The following RBKS variants were observed in gnomAD, a reference collection of about 807,000 sequenced individuals.
RBKS encodes the protein ribokinase.
In RBKS, 33 loss-of-function variants were observed where a neutral mutation model predicts 33.9. That is an observed-to-expected ratio of 0.97 (90% CI 0.74 to 1.30). The LOEUF is 1.30. Among genes scored for constraint, RBKS ranks in the 50% most tolerant of loss-of-function variants. The pLI is 0.00. For missense variants in RBKS, 361 were observed against 392.6 expected (o/e 0.92, Z 0.68); for synonymous variants, 125 against 143.0 (o/e 0.87, Z 0.90).
intron 5 of RBKS, among the ~76,000 whole-genome samples, chr2:27,840,457 G>C (rs980275920): frequency 2.0e-5 from 3 of 151,638 alleles, no homozygotes; most frequent in Admixed American, 1.3e-4. Context: ...GGGACCAGCT[G>C]ACTTGGCCAG....
chr2:27,867,213 T>C (rs1371935214), intron 1 of RBKS, among the ~76,000 whole-genome samples: 1 of 152,206 alleles, frequency 6.6e-6, no homozygotes, highest in Non-Finnish European at 1.5e-5. Context: ...ATTTTCCTGA[T>C]TCTTTGCATG....
intron 7 of RBKS, among the ~76,000 whole-genome samples, chr2:27,789,751 G>A (rs1186464328): frequency 6.6e-6 from 1 of 151,294 alleles, no homozygotes; most frequent in Admixed American, 6.6e-5. Context: ...TTTTAGTAGA[G>A]ATGAGATTTC....
chr2:27,820,247 A>G (rs1678173304), intron 7 of RBKS, among the ~76,000 whole-genome samples: 1 of 152,198 alleles, frequency 6.6e-6, no homozygotes, highest in East Asian at 1.9e-4. Flanking sequence ...AGTAGACAGA[A>G]GTCCCCCTTT....
intron 7 of RBKS, chr2:27,809,667 A>C (rs777134706): frequency 7.0e-5 from 22 of 312,220 alleles, no homozygotes; most frequent in Non-Finnish European, 1.4e-4. Context: ...TTAGTATCTT[A>C]CAAAAGACTC....
chr2:27,846,306 T>C (rs1013000502), intron 4 of RBKS, among the ~76,000 whole-genome samples: 2 of 152,308 alleles, frequency 1.3e-5, no homozygotes, highest in Admixed American at 1.3e-4. Context: ...CATTCACTCA[T>C]GCATTTATTT....
intron 1 of RBKS, among the ~76,000 whole-genome samples, chr2:27,876,826 A>C (rs1664324347): frequency 6.6e-6 from 1 of 152,200 alleles, no homozygotes; most frequent in South Asian, 2.1e-4. Context: ...ATGCATATAT[A>C]ATAAAAATTG....
intron 7 of RBKS, among the ~76,000 whole-genome samples, chr2:27,816,468 G>T (rs1214868636): frequency 6.6e-6 from 1 of 152,184 alleles, no homozygotes; most frequent in Non-Finnish European, 1.5e-5. Flanking sequence ...CTAAGGTTAA[G>T]AGGGCTGTTT....
intron 1 of RBKS, among the ~76,000 whole-genome samples, chr2:27,877,418 A>C (rs1282439725): frequency 6.6e-6 from 1 of 152,052 alleles, no homozygotes; most frequent in Non-Finnish European, 1.5e-5. Context: ...TTTTGAGCTA[A>C]ATTTGTCATT....
rs773595025 is a variant in RBKS at position 27,843,120 on chromosome 2, T to G, written c.461A>C (p.Glu154Ala). 6.2e-7 allele frequency: 1 copy of G among 1,611,388 alleles called. No homozygotes were observed. The highest frequency in any genetic ancestry group is 8.5e-7 in the Non-Finnish European group (1 of 1,178,612). ...TTCCAAAGAAGTTGCTGGAGTTATT[T>G]CGAGCTGGCAGACCATGACTTTGGC... is the stretch of plus-strand genomic sequence containing the variant. ...SRAKVMVCQLEITPATSLEAL... is the reference protein window; with the variant it reads ...SRAKVMVCQLAITPATSLEAL... Residue 154 changes from glutamate (E) to alanine (A), a missense_variant, in exon 5 of 8, where the codon GAA becomes GCA. Physicochemically the swap from Glu to Ala is moderately radical, Grantham distance 107 (BLOSUM62 -1). Coordinates refer to ENST00000302188, the MANE Select transcript of RBKS (RefSeq NM_022128.3).
Position 27,810,176 on chromosome 2 carries a change from A to G in RBKS, c.795+17391T>C. On this transcript the variant is annotated intron_variant, in intron 7 of 7. Transcript: ENST00000302188. The surrounding 1 kb of genome is among the most constrained non-coding windows in gnomAD (Gnocchi z 4.4). ...CCTGGTATATTTGTCTACACAACCC[A>G]AATTCGTCATATACTGGCTGATTTG... 1 of 1,168,002 alleles carries G rather than the reference A, an allele frequency of 8.6e-7. No individual in the cohort carries two copies. Among genetic ancestry groups the G allele is most frequent in the South Asian group, 1.4e-5 (1 of 69,324 alleles). 72.4% of individuals were successfully genotyped at this position (1,168,002 alleles called of 1,614,324 possible). A position where few individuals can be genotyped will look rare whatever the true frequency, so the allele number is the denominator to read the frequency against.
chr2:27,848,022 TG>T lies in RBKS; in HGVS notation c.286+11del. 1 of 1,361,700 alleles carries T rather than the reference TG, an allele frequency of 7.3e-7. No homozygotes were observed. Among genetic ancestry groups the T allele is most frequent in the African/African-American group, 1.4e-5 (1 of 69,210 alleles). 84.4% of individuals were successfully genotyped at this position (1,361,700 alleles called of 1,614,324 possible). A position where few individuals can be genotyped will look rare whatever the true frequency, so the allele number is the denominator to read the frequency against. On this transcript the variant is annotated intron_variant, in intron 3 of 7. Coordinates refer to ENST00000302188, the MANE Select transcript of RBKS (RefSeq NM_022128.3). The stretch of plus-strand genomic sequence containing the variant: ...CTATAAACACTAACTTTAAAAAAGG[TG>T]GGAATTTTACCTGTAGAAATATCAT...
At chr2:27,886,409 C>T (rs952759292) in intron 1 of RBKS, among the ~76,000 whole-genome samples, 1 of 152,160 alleles carries the variant, frequency 6.6e-6, no homozygotes, top group African/African-American at 2.4e-5. Flanking sequence ...GAATAAGGCA[C>T]AGTAATAAAG....
At chr2:27,860,660 T>C (rs1558552890) in intron 1 of RBKS, among the ~76,000 whole-genome samples, 1 of 152,194 alleles carries the variant, frequency 6.6e-6, no homozygotes, top group Non-Finnish European at 1.5e-5. Context: ...TGGGAGCAGA[T>C]GGCTGGGATT....
chr2:27,861,673 G>GT, intron 1 of RBKS: 3 of 412,552 alleles, frequency 7.3e-6, no homozygotes, highest in African/African-American at 2.1e-5. Context: ...TGGGGGGGGG[G>GT]TGGAGTCTCA....
At chr2:27,834,165 C>G (rs191068931) in intron 5 of RBKS, among the ~76,000 whole-genome samples, 1 of 152,196 alleles carries the variant, frequency 6.6e-6, no homozygotes, top group South Asian at 2.1e-4. Flanking sequence ...CTAATCAGCA[C>G]GTGGCTAATG....
At chr2:27,840,372 A>ACG (rs1663465362) in intron 5 of RBKS, among the ~76,000 whole-genome samples, 2 of 138,782 alleles carry the variant, frequency 1.4e-5, no homozygotes, top group African/African-American at 5.3e-5. Flanking sequence ...GCGCACACAC[A>ACG]CACACACACA....
chr2:27,812,026 G>A (rs890338374), intron 7 of RBKS, among the ~76,000 whole-genome samples: 8 of 152,192 alleles, frequency 5.3e-5, no homozygotes, highest in African/African-American at 1.9e-4. Context: ...TACCTTTTGA[G>A]AAGTGTTTGT....
At chr2:27,888,843 T>C (rs904489918) in intron 1 of RBKS, among the ~76,000 whole-genome samples, 1 of 152,196 alleles carries the variant, frequency 6.6e-6, no homozygotes, top group Admixed American at 6.5e-5. Context: ...AAATATTTAC[T>C]ATCTGGCCCT....
chr2:27,852,010 G>T (rs1314216349), intron 2 of RBKS, among the ~76,000 whole-genome samples: 1 of 152,176 alleles, frequency 6.6e-6, no homozygotes, highest in Non-Finnish European at 1.5e-5. Context: ...CATAGTCTGA[G>T]ATAACCTGTC....
Sources: gnomAD v4.1 joint callset for allele counts (sites outside exome capture counted in the v4.1 genomes callset) on GRCh38, gnomAD v4.1.1 for gene constraint, Gnocchi (gnomAD v3.1) non-coding constraint, MANE v1.5 for transcripts, NCBI Gene and HGNC (gene_info 2026-07-23, HGNC 2026-07-21) for gene names.